SEM1: variants seen among roughly 807,000 people sequenced by gnomAD.
The protein encoded by SEM1 is SEM1 26S proteasome subunit, also known as 26S proteasome complex subunit SEM1.
Under a neutral mutation model 12.7 loss-of-function variants are expected in SEM1, and 3 were observed. The observed-to-expected ratio is 0.24, with a 90% CI of 0.11 to 0.61. The LOEUF (loss-of-function observed/expected upper bound fraction) is 0.61, where lower values mean the gene tolerates loss of function less well. Among genes scored for constraint, SEM1 ranks in the 20% least tolerant of loss-of-function variants. The probability of loss-of-function intolerance (pLI) is 0.88; values close to 1 mark genes in which losing one functional copy is unlikely to be tolerated. For synonymous variants in SEM1, 30 were observed against 27.8 expected, an observed-to-expected ratio of 1.08 and a Z score of -0.25; for missense variants, 59 against 81.3, an observed-to-expected ratio of 0.73 and a Z score of 1.06.
chr7:96,592,999 TAAAAAAAA>T lies in SEM1; in HGVS notation c.171-86309_171-86302del, dbSNP rs1554421689. On this transcript the variant is annotated intron_variant and NMD_transcript_variant, in intron 2 of 3. Coordinates refer to the SEM1 transcript ENST00000466986. ...CCTCTCTGCTGTAATTCTCCCATAT[TAAAAAAAA>T]AAAAAAAAAAAAAGGCACACTTTCT... 7.8e-5 allele frequency among the ~76,000 whole-genome samples: 10 copies of T among 128,054 alleles called. No individual in the cohort carries two copies. The South Asian group carries it at 1.0e-3, about 13-fold the overall frequency. The allele number at this position is 128,054 out of a possible 152,430, so 84.0% of individuals were successfully genotyped here. A position where few individuals can be genotyped will look rare whatever the true frequency, so the allele number is the denominator to read the frequency against.
At chr7:96,593,778 A>G (rs1457621256) in intron 2 of SEM1, among the ~76,000 whole-genome samples, 1 of 152,196 alleles carries the variant, frequency 6.6e-6, no homozygotes, top group Non-Finnish European at 1.5e-5. Context: ...AAAAAGAATG[A>G]CTGATATGAA....
At chr7:96,647,811 G>C (rs772137818) in intron 2 of SEM1, among the ~76,000 whole-genome samples, 1 of 152,208 alleles carries the variant, frequency 6.6e-6, no homozygotes, top group Non-Finnish European at 1.5e-5. Flanking sequence ...TTGATCAGGA[G>C]AGCAGGAAGC....
chr7:96,707,512 A>C (rs537399014), intron 1 of SEM1, among the ~76,000 whole-genome samples: 1 of 152,372 alleles, frequency 6.6e-6, no homozygotes, highest in Admixed American at 6.5e-5. Flanking sequence ...GAATGAATTA[A>C]TTCTACACAT....
chr7:96,580,527 T>C lies in SEM1; in HGVS notation c.171-73829A>G, dbSNP rs557768748. On this transcript the variant is annotated intron_variant and NMD_transcript_variant, in intron 2 of 3. Coordinates refer to the SEM1 transcript ENST00000466986. The stretch of plus-strand genomic sequence containing the variant: ...GTCAAATGGTATTTCCAGTTCTAGA[T>C]CCCTGAGGAAATGCCACACTGACTT... Among the ~76,000 whole-genome samples, 7 of 152,076 alleles carry C rather than the reference T, an allele frequency of 4.6e-5. No individual in the cohort carries two copies. The East Asian group carries it at 7.8e-4, about 17-fold the overall frequency.
exon 4 of SEM1, chr7:96,482,607 G>A (rs1281488540): frequency 6.6e-6 from 1 of 152,144 alleles, no homozygotes; most frequent in Non-Finnish European, 1.5e-5. Context: ...CTTGGTACAG[G>A]AATTCCTGTC....
intron 1 of SEM1, among the ~76,000 whole-genome samples, chr7:96,707,323 C>T (rs1436196587): frequency 2.0e-5 from 3 of 152,120 alleles, no homozygotes; most frequent in Non-Finnish European, 4.4e-5. Context: ...TTTTCTTTTG[C>T]TTTTGTTACT....
At chr7:96,557,776 G>A (rs932100132) in intron 2 of SEM1, among the ~76,000 whole-genome samples, 12 of 151,800 alleles carry the variant, frequency 7.9e-5, no homozygotes, top group African/African-American at 1.4e-4. Context: ...AATGGCGGGC[G>A]CCCTTCCCCC....
intron 2 of SEM1, among the ~76,000 whole-genome samples, chr7:96,553,476 C>G (rs1259015233): frequency 2.7e-5 from 4 of 150,132 alleles, no homozygotes; most frequent in Non-Finnish European, 4.5e-5. Flanking sequence ...GCTTGTTTTT[C>G]TCAGGTTTGT....
intron 2 of SEM1, among the ~76,000 whole-genome samples, chr7:96,628,080 A>G (rs962823544): frequency 6.6e-6 from 1 of 151,926 alleles, no homozygotes; most frequent in African/African-American, 2.4e-5. Flanking sequence ...TGATATAACT[A>G]TTCTTACTCT....
intron 2 of SEM1, among the ~76,000 whole-genome samples, chr7:96,662,621 G>A (rs1789042433): frequency 6.6e-6 from 1 of 152,108 alleles, no homozygotes; most frequent in Non-Finnish European, 1.5e-5. Flanking sequence ...AACCACCATG[G>A]CACATGTATA....
At chr7:96,491,214 A>G (rs1035757866) in intron 1 of SEM1, among the ~76,000 whole-genome samples, 1 of 152,172 alleles carries the variant, frequency 6.6e-6, no homozygotes, top group Non-Finnish European at 1.5e-5. Flanking sequence ...AATTCTTCTT[A>G]TATTAACCAG....
At chr7:96,536,302 A>T (rs1563050906) in intron 2 of SEM1, among the ~76,000 whole-genome samples, 6 of 151,238 alleles carry the variant, frequency 4.0e-5, no homozygotes, top group Non-Finnish European at 5.9e-5. Context: ...ACTTTTTATG[A>T]TTTCTATACT....
chr7:96,635,656 C>T (rs1808406474), intron 2 of SEM1, among the ~76,000 whole-genome samples: 1 of 152,102 alleles, frequency 6.6e-6, no homozygotes, highest in Non-Finnish European at 1.5e-5. Context: ...AGAGCACTAC[C>T]TAGCTTGAAA....
At chr7:96,642,153 A>G (rs191244837) in intron 2 of SEM1, among the ~76,000 whole-genome samples, 108 of 152,198 alleles carry the variant, frequency 7.1e-4, no homozygotes, top group Non-Finnish European at 1.3e-3. Context: ...ATGGTACAGC[A>G]CACATCTAGA....
At chr7:96,628,887 C>G (rs560328505) in intron 2 of SEM1, among the ~76,000 whole-genome samples, 2 of 152,076 alleles carry the variant, frequency 1.3e-5, no homozygotes, top group Non-Finnish European at 2.9e-5. Context: ...TTTTCCTTCA[C>G]GTTTGAAGAA....
Position 96,644,898 on chromosome 7 carries a change from T to G in SEM1, c.171-22255A>C, listed in dbSNP as rs11974937. ...AGTGACAGGTGCATGGTGAACCTGC[T>G]TCACACCAGTCAGATTCCAAGAGTT... is the stretch of plus-strand genomic sequence containing the variant. On this transcript the variant is annotated intron_variant, in intron 2 of 2. Transcript: ENST00000417009. Among the ~76,000 whole-genome samples, 863 of 152,308 alleles carry G rather than the reference T, an allele frequency of 5.7e-3. 10 individuals are homozygous for G. The highest frequency in any genetic ancestry group is 0.019 in the African/African-American group (800 of 41,572).
At chr7:96,707,651 C>A (rs374703086) in intron 1 of SEM1, among the ~76,000 whole-genome samples, 42 of 152,086 alleles carry the variant, frequency 2.8e-4, no homozygotes, top group African/African-American at 9.4e-4. Context: ...TTTCCTTTTA[C>A]CTTTTTGTTT....
At chr7:96,494,387 A>G (rs1418797718) in intron 1 of SEM1, among the ~76,000 whole-genome samples, 1 of 152,226 alleles carries the variant, frequency 6.6e-6, no homozygotes, top group East Asian at 1.9e-4. Context: ...TTACTACTGT[A>G]AAGTTTGGGA....
At chr7:96,660,759 G>A (rs929462286) in intron 2 of SEM1, among the ~76,000 whole-genome samples, 1 of 151,914 alleles carries the variant, frequency 6.6e-6, no homozygotes, top group African/African-American at 2.4e-5. Flanking sequence ...AACACCTGAA[G>A]AATACACATT....
Sources: gnomAD v4.1 joint callset for allele counts (sites outside exome capture counted in the v4.1 genomes callset) on GRCh38, gnomAD v4.1.1 for gene constraint, MANE v1.5 for transcripts, NCBI Gene and HGNC (gene_info 2026-07-23, HGNC 2026-07-21) for gene names.